The following FSTL4 variants were observed in gnomAD, a reference collection of about 807,000 sequenced individuals.
FSTL4 encodes the protein follistatin like 4, also known as follistatin-related protein 4.
In FSTL4, 28 loss-of-function variants were observed where a neutral mutation model predicts 78.2. The ratio of observed to expected loss-of-function variants is 0.36; its 90% confidence interval spans 0.27 to 0.49. The LOEUF is 0.49. Ranked by LOEUF, FSTL4 falls within the 20% of genes least tolerant of loss-of-function variation. The pLI is 0.98. For synonymous variants in FSTL4, 422 were observed against 440.5 expected, an observed-to-expected ratio of 0.96 and a Z score of 0.53; for missense variants, 922 against 1,084.9, an observed-to-expected ratio of 0.85 and a Z score of 2.11.
chr5:133,837,535 T>C, the FSTL4 span, among the ~76,000 whole-genome samples: 1 of 152,250 alleles, frequency 6.6e-6, no homozygotes, highest in South Asian at 2.1e-4. Flanking sequence ...AGAGGGTTCA[T>C]GTTTGTTTCT....
intron 3 of FSTL4, among the ~76,000 whole-genome samples, chr5:133,403,421 C>T (rs1326904704): frequency 6.6e-6 from 1 of 152,196 alleles, no homozygotes; most frequent in Admixed American, 6.5e-5. Flanking sequence ...AATCCTCCTA[C>T]CCCAAAGTGC....
At chr5:133,726,881 T>C in the FSTL4 span, among the ~76,000 whole-genome samples, 41 of 152,376 alleles carry the variant, frequency 2.7e-4, no homozygotes, top group African/African-American at 9.6e-4. Flanking sequence ...CCACTTCACA[T>C]GCAAGATAAA....
chr5:133,818,592 C>T, the FSTL4 span, among the ~76,000 whole-genome samples: 3 of 152,160 alleles, frequency 2.0e-5, no homozygotes, highest in South Asian at 2.1e-4. Flanking sequence ...CAGAATCTCC[C>T]GGCGGACATA....
chr5:133,408,767 C>A (rs779449076), intron 3 of FSTL4, among the ~76,000 whole-genome samples: 1 of 152,128 alleles, frequency 6.6e-6, no homozygotes, highest in Non-Finnish European at 1.5e-5. Context: ...TTAAAAGTGA[C>A]GATAACAATG....
At chr5:133,454,786 T>A (rs28335) in intron 3 of FSTL4, among the ~76,000 whole-genome samples, 54,780 of 152,024 alleles carry the variant, frequency 0.36, 10,128 homozygotes, top group South Asian at 0.43. Flanking sequence ...GCTTGAAGGC[T>A]CTTTTTCTTT....
At chr5:133,363,397 CAGCAA>C (rs977265562) in intron 4 of FSTL4, among the ~76,000 whole-genome samples, 2 of 151,990 alleles carry the variant, frequency 1.3e-5, no homozygotes, top group Non-Finnish European at 2.9e-5. Flanking sequence ...TGTTTTCCCC[CAGCAA>C]CTCTGGAAAT....
At chr5:133,839,910 T>G in the FSTL4 span, among the ~76,000 whole-genome samples, 1 of 152,236 alleles carries the variant, frequency 6.6e-6, no homozygotes, top group Non-Finnish European at 1.5e-5. Context: ...TTGGCAGGTC[T>G]TGTGTGAGCT....
intron 2 of FSTL4, among the ~76,000 whole-genome samples, chr5:133,589,957 C>T (rs1760589582): frequency 6.6e-6 from 1 of 152,144 alleles, no homozygotes; most frequent in Admixed American, 6.5e-5. Flanking sequence ...ACCTCATAGA[C>T]TCTCTTTGAG....
intron 4 of FSTL4, among the ~76,000 whole-genome samples, chr5:133,325,971 TCTGG>T (rs1754202616): frequency 6.6e-6 from 1 of 152,256 alleles, no homozygotes; most frequent in Non-Finnish European, 1.5e-5. Context: ...GGCTTAATTG[TCTGG>T]CACCCATGTT....
At chr5:133,540,244 C>T (rs1304094770) in intron 3 of FSTL4, among the ~76,000 whole-genome samples, 1 of 124,288 alleles carries the variant, frequency 8.0e-6, no homozygotes, top group South Asian at 2.5e-4. Flanking sequence ...TAAACACACA[C>T]ATACACACAC....
chr5:133,602,732 C>T (rs1403387208), intron 2 of FSTL4, among the ~76,000 whole-genome samples: 1 of 152,170 alleles, frequency 6.6e-6, no homozygotes, highest in Non-Finnish European at 1.5e-5. Flanking sequence ...GTTTAATCAT[C>T]TGCTCACCAC....
chr5:133,289,625 G>A (rs1753211300), intron 6 of FSTL4, among the ~76,000 whole-genome samples: 1 of 152,218 alleles, frequency 6.6e-6, no homozygotes, highest in Admixed American at 6.5e-5. Flanking sequence ...AGAGGGGCAG[G>A]TGTCCTGCTG....
the FSTL4 span, among the ~76,000 whole-genome samples, chr5:133,711,781 T>C: frequency 3.3e-5 from 5 of 152,196 alleles, no homozygotes; most frequent in African/African-American, 1.2e-4. Flanking sequence ...CCTTCCTGCA[T>C]TCCATTTCGT....
At chr5:133,780,181 G>A in the FSTL4 span, among the ~76,000 whole-genome samples, 1 of 152,238 alleles carries the variant, frequency 6.6e-6, no homozygotes, top group African/African-American at 2.4e-5. Flanking sequence ...AGCAACCTGA[G>A]GCCAGTCCGC....
chr5:133,369,144 C>A (rs1755237105), intron 4 of FSTL4, among the ~76,000 whole-genome samples: 1 of 152,186 alleles, frequency 6.6e-6, no homozygotes, highest in South Asian at 2.1e-4. Context: ...TGAATACCAC[C>A]AGCCTCCAAA....
chr5:133,646,704 G>A, the FSTL4 span, among the ~76,000 whole-genome samples: 4 of 152,104 alleles, frequency 2.6e-5, no homozygotes, highest in Non-Finnish European at 5.9e-5. Flanking sequence ...TATGGGATAT[G>A]AGAGAAAGAC....
the FSTL4 span, among the ~76,000 whole-genome samples, chr5:133,783,253 G>T: frequency 1.4e-4 from 21 of 152,094 alleles, no homozygotes; most frequent in South Asian, 2.1e-4. Flanking sequence ...GCTCTCTCAC[G>T]TGACTTCTAA....
At chr5:133,570,843 G>T (rs549804834) in intron 2 of FSTL4, among the ~76,000 whole-genome samples, 6 of 152,228 alleles carry the variant, frequency 3.9e-5, no homozygotes, top group Non-Finnish European at 7.4e-5. Context: ...TCCCCTTTGC[G>T]ACATTTGCTG....
intron 6 of FSTL4, among the ~76,000 whole-genome samples, chr5:133,267,374 G>A (rs911041842): frequency 2.8e-4 from 42 of 152,294 alleles, no homozygotes; most frequent in African/African-American, 9.9e-4. Context: ...AAACAGGCAG[G>A]GGCAGTAATG....
Sources: allele counts gnomAD v4.1 joint callset (sites outside exome capture counted in the v4.1 genomes callset), GRCh38; gene constraint gnomAD v4.1.1; transcripts MANE v1.5; gene names NCBI Gene and HGNC (gene_info 2026-07-23, HGNC 2026-07-21).